Variants in AGBL4 observed in about 807,000 individuals in gnomAD.
AGBL4 encodes cytosolic carboxypeptidase 6.
AGBL4 carries 58 observed loss-of-function variants against 66.4 expected under a neutral mutation model. The ratio of observed to expected loss-of-function variants is 0.87; its 90% CI spans 0.71 to 1.09. The LOEUF is 1.09. Ranked by LOEUF, AGBL4 falls within the 50% of genes least tolerant of loss-of-function variation. AGBL4 has a pLI of 0.00. For missense variants in AGBL4, 579 were observed against 631.0 expected (o/e 0.92, Z 0.88); for synonymous variants, 234 against 222.9 (o/e 1.05, Z -0.44).
intron 4 of AGBL4, among the ~76,000 whole-genome samples, chr1:49,128,930 G>A (rs1001091923): frequency 6.6e-6 from 1 of 151,296 alleles, no homozygotes; most frequent in African/African-American, 2.4e-5. Context: ...GCAAAATAAA[G>A]CCACATAGAA....
At chr1:49,207,542 T>TTTCTTTCTTTCTTTCTTTC (rs1217267952) in intron 4 of AGBL4, among the ~76,000 whole-genome samples, 1 of 77,976 alleles carries the variant, frequency 1.3e-5, no homozygotes, top group African/African-American at 4.9e-5. Flanking sequence ...TTTTTCTTTC[T>TTTCTTTCTTTCTTTCTTTC]TTTCTTTCTT....
At chr1:49,845,859 C>T in intron 2 of AGBL4, 1 of 1,437,226 alleles carries the variant, frequency 7.0e-7, no homozygotes, top group Non-Finnish European at 9.8e-7. Flanking sequence ...GGAAGGCCTT[C>T]CTTCTGGCAG....
intron 5 of AGBL4, among the ~76,000 whole-genome samples, chr1:48,990,706 A>G (rs1431107504): frequency 1.3e-5 from 2 of 150,960 alleles, no homozygotes; most frequent in Non-Finnish European, 3.0e-5. Flanking sequence ...TTCTCTGGTG[A>G]TTTCTTGTTT....
chr1:49,686,605 A>T (rs997133877), intron 3 of AGBL4, among the ~76,000 whole-genome samples: 1 of 152,222 alleles, frequency 6.6e-6, no homozygotes, highest in African/African-American at 2.4e-5. Flanking sequence ...TATTGTCTTT[A>T]TTCACATAAT....
chr1:49,570,035 G>A (rs1404597278), intron 3 of AGBL4, among the ~76,000 whole-genome samples: 1 of 152,068 alleles, frequency 6.6e-6, no homozygotes, highest in Non-Finnish European at 1.5e-5. Context: ...ATAGTGCTGT[G>A]ATAAGCACAC....
chr1:49,573,289 G>A (rs992591214), intron 3 of AGBL4, among the ~76,000 whole-genome samples: 14 of 151,678 alleles, frequency 9.2e-5, no homozygotes, highest in Admixed American at 2.6e-4. Flanking sequence ...GAGTTCTTTC[G>A]TTGGTTTTGG....
chr1:49,550,648 T>C (rs1447598944), intron 3 of AGBL4, among the ~76,000 whole-genome samples: 3 of 152,188 alleles, frequency 2.0e-5, no homozygotes, highest in African/African-American at 7.2e-5. Flanking sequence ...TTCTAGCTTG[T>C]AGGGTTTCTG....
At chr1:49,712,177 A>G (rs550187690) in intron 2 of AGBL4, among the ~76,000 whole-genome samples, 2 of 152,098 alleles carry the variant, frequency 1.3e-5, no homozygotes, top group South Asian at 2.1e-4. Context: ...AAGGCAAAAT[A>G]TGATAAGGAT....
chr1:49,989,036 A>G (rs1364931892), intron 1 of AGBL4, among the ~76,000 whole-genome samples: 1 of 152,210 alleles, frequency 6.6e-6, no homozygotes, highest in Non-Finnish European at 1.5e-5. Flanking sequence ...TGCATCTGTC[A>G]TAAGAGAAGA....
intron 11 of AGBL4, among the ~76,000 whole-genome samples, chr1:48,546,357 G>C (rs968491475): frequency 1.8e-4 from 28 of 152,176 alleles, no homozygotes; most frequent in Admixed American, 3.3e-4. Context: ...AAAATTCTGT[G>C]GATGTGTGGA....
chr1:48,878,861 G>A (rs1370413087), intron 5 of AGBL4, among the ~76,000 whole-genome samples: 1 of 152,076 alleles, frequency 6.6e-6, no homozygotes, highest in African/African-American at 2.4e-5. Flanking sequence ...GCCTCTTCAC[G>A]ATGTCAGAGT....
chr1:48,565,139 A>C (rs1328519530), intron 11 of AGBL4, among the ~76,000 whole-genome samples: 1 of 152,198 alleles, frequency 6.6e-6, no homozygotes, highest in Non-Finnish European at 1.5e-5. Context: ...AATGAAGCCT[A>C]ATTACAGCAG....
intron 3 of AGBL4, among the ~76,000 whole-genome samples, chr1:49,660,173 A>G (rs576061632): frequency 6.0e-4 from 92 of 152,242 alleles, no homozygotes; most frequent in African/African-American, 1.7e-3. Context: ...AGGCAACTAC[A>G]AAGTAGGAGA....
At chr1:49,940,691 G>C (rs1043350553) in intron 1 of AGBL4, among the ~76,000 whole-genome samples, 2 of 151,968 alleles carry the variant, frequency 1.3e-5, no homozygotes, top group Non-Finnish European at 2.9e-5. Flanking sequence ...TCACACTCTG[G>C]GGACTGTTGT....
In AGBL4 at chr1:48,590,894, CG is replaced by C. The variant is rs1365704873; in HGVS notation, c.1042del (p.Arg348GlyfsTer31). On this transcript the variant is annotated frameshift_variant, in exon 10 of 14. Transcript: ENST00000371839. LOFTEE classifies it high-confidence loss of function. ...GGGAAAAATGGCCTGCCTCTGGAACCGTTCCTCATCCTCAAAGATGTTGCCA... is the reference window on the plus strand; with the variant it reads ...GGGAAAAATGGCCTGCCTCTGGAACCTTCCTCATCCTCAAAGATGTTGCCA... ...MYGNIFEDEERFQRQAIFPKL... is the reference protein window; with the variant it reads ...MYGNIFEDEEXFQRQAIFPKL... 1 of 1,608,264 alleles carries C rather than the reference CG, an allele frequency of 6.2e-7. No homozygotes were observed. The highest frequency in any genetic ancestry group is 8.5e-7 in the Non-Finnish European group (1 of 1,177,554).
intron 3 of AGBL4, among the ~76,000 whole-genome samples, chr1:49,504,549 T>C (rs981016387): frequency 5.5e-4 from 83 of 152,112 alleles, no homozygotes; most frequent in African/African-American, 1.9e-3. Context: ...TATTTACAAT[T>C]GTTATATTCA....
At chr1:49,581,153 T>C (rs1408261293) in intron 3 of AGBL4, among the ~76,000 whole-genome samples, 1 of 152,078 alleles carries the variant, frequency 6.6e-6, no homozygotes, top group East Asian at 1.9e-4. Context: ...TTTGCACATA[T>C]TTTATATTTA....
chr1:49,866,509 A>G (rs1646704623), intron 1 of AGBL4, among the ~76,000 whole-genome samples: 1 of 152,158 alleles, frequency 6.6e-6, no homozygotes, highest in African/African-American at 2.4e-5. Context: ...CACACTTGTA[A>G]TCCCAGCACT....
At chr1:49,371,163 T>C (rs1468429997) in intron 3 of AGBL4, among the ~76,000 whole-genome samples, 2 of 152,220 alleles carry the variant, frequency 1.3e-5, no homozygotes. Context: ...AGCCTCTAAT[T>C]GTATGAGCCA....
Sources: gnomAD v4.1 joint callset for allele counts (sites outside exome capture counted in the v4.1 genomes callset) on GRCh38, gnomAD v4.1.1 for gene constraint, MANE v1.5 for transcripts, NCBI Gene and HGNC (gene_info 2026-07-23, HGNC 2026-07-21) for gene names.